RGS6: variants seen among roughly 807,000 people sequenced by gnomAD.
The protein encoded by RGS6 is regulator of G-protein signaling 6.
RGS6 carries 30 observed loss-of-function variants against 78.5 expected under a neutral mutation model. The ratio of observed to expected loss-of-function variants is 0.38; its 90% CI spans 0.29 to 0.52. RGS6 has a LOEUF of 0.52. Ranked by LOEUF, RGS6 falls within the 20% of genes least tolerant of loss-of-function variation. The pLI, the probability that RGS6 is intolerant of heterozygous loss-of-function variation, is 0.85. For synonymous variants in RGS6, 206 were observed against 206.0 expected, an observed-to-expected ratio of 1.00 and a Z score of 0.00; for missense variants, 495 against 609.7, an observed-to-expected ratio of 0.81 and a Z score of 1.98.
chr14:72,023,946 G>T (rs181974269), intron 2 of RGS6, among the ~76,000 whole-genome samples: 1 of 152,288 alleles, frequency 6.6e-6, no homozygotes, highest in East Asian at 1.9e-4. Flanking sequence ...CCTTGCTCTC[G>T]TTTCTGGGGG....
intron 3 of RGS6, among the ~76,000 whole-genome samples, chr14:72,383,209 T>TATATAC (rs2086764447): frequency 1.6e-5 from 2 of 125,682 alleles, no homozygotes; most frequent in Non-Finnish European, 1.6e-5. Context: ...TATATATATA[T>TATATAC]ATATACACAC....
intron 2 of RGS6, among the ~76,000 whole-genome samples, chr14:72,246,990 T>C (rs1246055135): frequency 2.6e-5 from 4 of 152,120 alleles, no homozygotes; most frequent in Non-Finnish European, 4.4e-5. Flanking sequence ...CTGTCAGATA[T>C]GCTGGGGACT....
the RGS6 span, among the ~76,000 whole-genome samples, chr14:72,602,356 C>T: frequency 3.9e-5 from 6 of 152,200 alleles, no homozygotes; most frequent in Non-Finnish European, 7.3e-5. Context: ...ACCATACATG[C>T]TAGGTACTAT....
chr14:72,231,514 T>C (rs1482245556), intron 2 of RGS6, among the ~76,000 whole-genome samples: 4 of 152,214 alleles, frequency 2.6e-5, no homozygotes, highest in South Asian at 4.1e-4. Flanking sequence ...TGGGGCTTAA[T>C]TCTGTTGGTG....
chr14:71,975,660 T>C (rs1259777696), intron 2 of RGS6, among the ~76,000 whole-genome samples: 1 of 152,206 alleles, frequency 6.6e-6, no homozygotes, highest in Non-Finnish European at 1.5e-5. Flanking sequence ...GGTTTCACCA[T>C]GTTGACCAGG....
At chr14:71,900,055 T>C in the RGS6 span, among the ~76,000 whole-genome samples, 1 of 152,206 alleles carries the variant, frequency 6.6e-6, no homozygotes, top group Non-Finnish European at 1.5e-5. Context: ...GACCTTTCTT[T>C]TGAGGACATC....
intron 2 of RGS6, among the ~76,000 whole-genome samples, chr14:72,239,695 T>C (rs2052240086): frequency 6.6e-6 from 1 of 152,216 alleles, no homozygotes; most frequent in African/African-American, 2.4e-5. Context: ...AAGGAAGTTC[T>C]GGGCCTCAGC....
intron 2 of RGS6, among the ~76,000 whole-genome samples, chr14:72,301,117 A>G (rs1479089240): frequency 6.6e-6 from 1 of 152,230 alleles, no homozygotes; most frequent in Non-Finnish European, 1.5e-5. Context: ...TAGGATTTGT[A>G]ATACCATCTG....
At chr14:71,870,647 A>T in the RGS6 span, among the ~76,000 whole-genome samples, 36 of 152,352 alleles carry the variant, frequency 2.4e-4, no homozygotes, top group African/African-American at 8.2e-4. Flanking sequence ...GATTTTCCAA[A>T]GATCTGTGGT....
chr14:72,486,681 C>T (rs554930803), intron 12 of RGS6, among the ~76,000 whole-genome samples: 1 of 152,122 alleles, frequency 6.6e-6, no homozygotes, highest in South Asian at 2.1e-4. Context: ...AGGCACAAAC[C>T]CAAAAGCCTT....
rs2153218669 is a variant in RGS6 at position 72,443,825 on chromosome 14, C to CT, written c.185-10702dup. 1.3e-5 allele frequency among the ~76,000 whole-genome samples: 2 copies of CT among 152,302 alleles called. 1 individual carries two copies. The highest frequency in any genetic ancestry group is 4.1e-4 in the South Asian group (2 of 4,824). On this transcript the variant is annotated intron_variant, in intron 3 of 17. Coordinates refer to ENST00000553525, the MANE Select transcript of RGS6 (RefSeq NM_001204424.2). ...TCACTTCTCTCCCAAAGCTGCAGCTCTGCTTATTCGATTCTTATTTCTGCC... is the reference window on the plus strand; with the variant it reads ...TCACTTCTCTCCCAAAGCTGCAGCTCTTGCTTATTCGATTCTTATTTCTGCC...
chr14:72,244,303 T>C (rs1265234246), intron 2 of RGS6, among the ~76,000 whole-genome samples: 1 of 151,460 alleles, frequency 6.6e-6, no homozygotes, highest in African/African-American at 2.4e-5. Flanking sequence ...CAGGCTTTTG[T>C]TGCTTTTCTC....
At chr14:71,958,342 G>C (rs978882768) in intron 1 of RGS6, among the ~76,000 whole-genome samples, 1 of 152,218 alleles carries the variant, frequency 6.6e-6, no homozygotes, top group African/African-American at 2.4e-5. Flanking sequence ...CTTTGGGCAA[G>C]TTACCTGTGC....
intron 2 of RGS6, among the ~76,000 whole-genome samples, chr14:72,317,951 GACAAAA>G (rs1297117823): frequency 2.6e-5 from 4 of 152,254 alleles, no homozygotes; most frequent in African/African-American, 9.6e-5. Context: ...TTTGACAAAA[GACAAAA>G]ACAGAAGTTA....
At chr14:72,455,894 C>T (rs999986290) in intron 4 of RGS6, among the ~76,000 whole-genome samples, 3 of 152,188 alleles carry the variant, frequency 2.0e-5, no homozygotes, top group Non-Finnish European at 2.9e-5. Flanking sequence ...GCCACCTTTT[C>T]TCTTCCAAGA....
intron 2 of RGS6, among the ~76,000 whole-genome samples, chr14:72,019,382 C>G (rs1297957979): frequency 1.3e-5 from 2 of 152,200 alleles, no homozygotes; most frequent in African/African-American, 4.8e-5. Flanking sequence ...GAATAATGAT[C>G]ATGCTTGTCT....
Position 72,562,584 on chromosome 14 carries a change from G to C in RGS6, c.*117G>C. The stretch of plus-strand genomic sequence containing the variant: ...AGACTTGGTCACTGTGAAGGAGAAA[G>C]AGTGAGGGCAATGAAGGGCGATGGT... On this transcript the variant is annotated 3_prime_UTR_variant, in exon 18 of 18. Transcript: ENST00000553525. 3.9e-6 allele frequency: 6 copies of C among 1,550,830 alleles called. No individual in the cohort carries two copies. The highest frequency in any genetic ancestry group is 5.2e-6 in the Non-Finnish European group (6 of 1,154,170).
intron 2 of RGS6, among the ~76,000 whole-genome samples, chr14:72,252,241 C>T (rs2055990249): frequency 1.5e-5 from 1 of 68,236 alleles, no homozygotes; most frequent in African/African-American, 6.2e-5. Context: ...TATGTGTGGG[C>T]TTTATTGACA....
intron 2 of RGS6, among the ~76,000 whole-genome samples, chr14:72,148,248 T>G (rs999770485): frequency 6.7e-6 from 1 of 149,542 alleles, no homozygotes; most frequent in African/African-American, 2.5e-5. Flanking sequence ...TAGAAAAAAA[T>G]TATTTGGGTA....
Sources: allele counts gnomAD v4.1 joint callset (sites outside exome capture counted in the v4.1 genomes callset), GRCh38; gene constraint gnomAD v4.1.1; transcripts MANE v1.5; gene names NCBI Gene and HGNC (gene_info 2026-07-23, HGNC 2026-07-21).